ABLIM2: variants seen among roughly 807,000 people sequenced by gnomAD.
The protein encoded by ABLIM2 is actin binding LIM protein family member 2.
Under a neutral mutation model 97.7 loss-of-function variants are expected in ABLIM2, and 53 were observed. The observed-to-expected ratio is 0.54, with a 90% CI of 0.44 to 0.68. The LOEUF (loss-of-function observed/expected upper bound fraction) is 0.68, where lower values mean the gene tolerates loss of function less well. Ranked by LOEUF, ABLIM2 falls within the 30% of genes least tolerant of loss-of-function variation. The pLI is 0.00. For missense variants in ABLIM2, 835 were observed against 867.2 expected (o/e 0.96, Z 0.47); for synonymous variants, 361 against 345.8 (o/e 1.04, Z -0.49).
intron 6 of ABLIM2, among the ~76,000 whole-genome samples, chr4:8,077,294 T>C (rs575412690): frequency 6.6e-6 from 1 of 152,318 alleles, no homozygotes; most frequent in Admixed American, 6.5e-5. Context: ...GACGAGGTCC[T>C]GGTGTGGGCT....
intron 9 of ABLIM2, among the ~76,000 whole-genome samples, chr4:8,042,615 G>A (rs1789442617): frequency 6.6e-6 from 1 of 152,172 alleles, no homozygotes; most frequent in African/African-American, 2.4e-5. Context: ...CCAGGCGAGT[G>A]GATCACCTGA....
At chr4:8,037,704 CA>C (rs1284757337) in intron 9 of ABLIM2, among the ~76,000 whole-genome samples, 1 of 152,264 alleles carries the variant, frequency 6.6e-6, no homozygotes, top group East Asian at 1.9e-4. Flanking sequence ...CGCACTCACA[CA>C]CATTCACATG....
chr4:8,050,187 C>T lies in ABLIM2; in HGVS notation c.822+4001G>A, dbSNP rs1427580265. On this transcript the variant is annotated intron_variant, in intron 8 of 20. Transcript: ENST00000447017. ...AAGCTGCACCCCAACACCTTGGGCG[C>T]CTGTTCTCAGGGTCACATGAGGGCT... 3.9e-5 allele frequency among the ~76,000 whole-genome samples: 6 copies of T among 152,208 alleles called. No homozygotes were observed. The South Asian group carries it at 1.2e-3, about 32-fold the overall frequency.
intron 20 of ABLIM2, among the ~76,000 whole-genome samples, chr4:7,982,851 C>T (rs1739877095): frequency 6.6e-6 from 1 of 152,106 alleles, no homozygotes; most frequent in African/African-American, 2.4e-5. Context: ...TTACAGGCAC[C>T]TGCCACCACG....
chr4:8,095,466 T>G lies in ABLIM2; in HGVS notation c.338+1633A>C, dbSNP rs1340736906. Among the ~76,000 whole-genome samples, 1 of 152,214 alleles carries G rather than the reference T, an allele frequency of 6.6e-6. No individual in the cohort carries two copies. Among genetic ancestry groups the G allele is most frequent in the Non-Finnish European group, 1.5e-5 (1 of 68,042 alleles). On this transcript the variant is annotated intron_variant, in intron 3 of 20. Transcript: ENST00000447017. The surrounding 1 kb of genome is among the most constrained non-coding windows in gnomAD (Gnocchi z 4.7). Reference sequence around the variant, plus strand: ...AAATTTTACGTTGTTGAATGCTGGATTTTTAAAAATCTTCTTGTGAAAAGT... The same window carrying G: ...AAATTTTACGTTGTTGAATGCTGGAGTTTTAAAAATCTTCTTGTGAAAAGT...
intron 9 of ABLIM2, among the ~76,000 whole-genome samples, chr4:8,039,874 G>GTTTTTTTTTT (rs397947626): frequency 6.4e-5 from 7 of 108,622 alleles, no homozygotes; most frequent in Admixed American, 1.0e-4. Context: ...GCTGATTACT[G>GTTTTTTTTTT]TTTTTTTTTT....
In ABLIM2 at chr4:8,054,952, A is replaced by G. The variant is rs1798130640; in HGVS notation, c.764-706T>C. Among the ~76,000 whole-genome samples the G allele has an allele frequency of 6.6e-6, 1 of 151,958 alleles. No homozygotes were observed. On this transcript the variant is annotated intron_variant, in intron 7 of 20. Transcript: ENST00000447017. The surrounding 1 kb of genome is among the most constrained non-coding windows in gnomAD (Gnocchi z 4.9). The stretch of plus-strand genomic sequence containing the variant: ...ACCCATGTCAACAGCCACTACCATC[A>G]ACATAACAAGGCCACCCGGCACCAA...
At position 8,029,331 on chromosome 4, in the gene ABLIM2, G is replaced by A. The variant is rs376759904; in HGVS notation, c.1168+325C>T. 9.9e-5 allele frequency among the ~76,000 whole-genome samples: 15 copies of A among 152,216 alleles called. No homozygotes were observed. In the East Asian group the frequency reaches 1.2e-3, roughly 12 times the overall value. On this transcript the variant is annotated intron_variant, in intron 11 of 20. Coordinates refer to ENST00000447017, the MANE Select transcript of ABLIM2 (RefSeq NM_001130083.2). ...ACATATGCTGTCTTATCTTCCTGAC[G>A]TCTCTTGCCACCCAATCATTAGCTG...
At position 7,984,853 on chromosome 4, in the gene ABLIM2, C is replaced by A; in HGVS notation, c.1721G>T (p.Ser574Ile). Residue 574 changes from serine to isoleucine, a missense_variant, in exon 18 of 21, where the codon AGC (serine) becomes ATC (isoleucine). By Grantham distance (142) the Ser-to-Ile change is moderately radical (BLOSUM62 -2). Transcript: ENST00000447017. ...LAPCGADPDASWGMREYKIYP... is the reference protein window; with the variant it reads ...LAPCGADPDAIWGMREYKIYP... ...GCTCTGTGTACCTCGCATGCCCCAG[C>A]TGGCATCCGGGTCTGCTCCACAGGG... 6.2e-7 allele frequency: 1 copy of A among 1,606,002 alleles called. No individual in the cohort carries two copies. The highest frequency in any genetic ancestry group is 1.3e-5 in the African/African-American group (1 of 74,944).
chr4:7,996,339 C>A lies in ABLIM2; in HGVS notation c.1619-3412G>T, dbSNP rs1753270923. ...GAACACCCTTGGTGGTGTCCTGCAC[C>A]CCTCTTAAGCCCGAAGGCCTCTACC... is the stretch of plus-strand genomic sequence containing the variant. On this transcript the variant is annotated intron_variant, in intron 16 of 20. Coordinates refer to ENST00000447017, the MANE Select transcript of ABLIM2 (RefSeq NM_001130083.2). This position sits in a 1 kb window ranked among gnomAD's most constrained non-coding sequence, Gnocchi z 4.5. 6.6e-6 allele frequency among the ~76,000 whole-genome samples: 1 copy of A among 152,162 alleles called. No individual in the cohort carries two copies. Among genetic ancestry groups the A allele is most frequent in the South Asian group, 2.1e-4 (1 of 4,826 alleles).
intron 9 of ABLIM2, among the ~76,000 whole-genome samples, chr4:8,039,820 C>T (rs1786972670): frequency 6.6e-6 from 1 of 150,778 alleles, no homozygotes; most frequent in South Asian, 2.1e-4. Flanking sequence ...TCGGCAGGGC[C>T]ACTGTGGCTG....
chr4:7,988,228 G>A (rs554790675), intron 17 of ABLIM2, among the ~76,000 whole-genome samples: 2 of 152,262 alleles, frequency 1.3e-5, no homozygotes, highest in East Asian at 3.9e-4. Flanking sequence ...TCACCACGTT[G>A]GCCAGGCTGG....
chr4:8,044,611 A>C lies in ABLIM2; in HGVS notation c.900+553T>G, dbSNP rs1790934590. Among the ~76,000 whole-genome samples the C allele has an allele frequency of 6.6e-6, 1 of 151,458 alleles. No individual in the cohort carries two copies. Among genetic ancestry groups the C allele is most frequent in the South Asian group, 2.1e-4 (1 of 4,776 alleles). ...TGTTTTCAATCATTTTTATATTTGT[A>C]TGTGATTATGGAAGCGTGTGAGGCG... On this transcript the variant is annotated intron_variant, in intron 9 of 20. Coordinates refer to ENST00000447017, the MANE Select transcript of ABLIM2 (RefSeq NM_001130083.2). The surrounding 1 kb of genome is among the most constrained non-coding windows in gnomAD (Gnocchi z 4.4).
chr4:7,983,699 T>C, intron 18 of ABLIM2, 145 bp from the exon 19 acceptor site: 1 of 1,024,096 alleles, frequency 9.8e-7, no homozygotes. Flanking sequence ...CAGCCTGCAC[T>C]GAGGCCCTAA....
rs796383684 is a variant in ABLIM2 at position 8,153,704 on chromosome 4, C to T, written c.10+4976G>A. Among the ~76,000 whole-genome samples the T allele has an allele frequency of 8.2e-5, 12 of 145,834 alleles. No individual in the cohort carries two copies. In the East Asian group the frequency reaches 1.9e-3, roughly 23 times the overall value. On this transcript the variant is annotated intron_variant, in intron 1 of 20. Coordinates refer to ENST00000447017, the MANE Select transcript of ABLIM2 (RefSeq NM_001130083.2). ...TCCCGGAGTGATGGGTTTCTACCAGCGCTGGAGGCAGAGTGTGCTCTCTTC... is the reference window on the plus strand; with the variant it reads ...TCCCGGAGTGATGGGTTTCTACCAGTGCTGGAGGCAGAGTGTGCTCTCTTC...
At chr4:8,065,653 G>T (rs1806614485) in intron 6 of ABLIM2, among the ~76,000 whole-genome samples, 1 of 152,212 alleles carries the variant, frequency 6.6e-6, no homozygotes, top group African/African-American at 2.4e-5. Context: ...GCTGGGCACA[G>T]TGGCTCAAGC....
rs189795152 is a variant in ABLIM2, at chr4:8,003,050, G to A, written c.1618+5009C>T. On this transcript the variant is annotated intron_variant, in intron 16 of 20. Transcript: ENST00000447017. This position sits in a 1 kb window ranked among gnomAD's most constrained non-coding sequence, Gnocchi z 4.2. ...GTCGGCTCCCCAGACAGGGAACTTT[G>A]TCTGTTTTGGCCTCTGCTCTGTCCC... Among the ~76,000 whole-genome samples, 2 of 152,284 alleles carry A rather than the reference G, an allele frequency of 1.3e-5. No individual in the cohort carries two copies. Among genetic ancestry groups the A allele is most frequent in the African/African-American group, 2.4e-5 (1 of 41,562 alleles).
At position 8,097,160 on chromosome 4, in the gene ABLIM2, C is replaced by T; in HGVS notation, c.277G>A (p.Glu93Lys). 6.2e-7 allele frequency: 1 copy of T among 1,610,640 alleles called. No individual in the cohort carries two copies. Among genetic ancestry groups the T allele is most frequent in the Non-Finnish European group, 8.5e-7 (1 of 1,178,690 alleles). ...GTCTTGCCCAGCGCCGACACCACCT[C>T]ACCCTCAATGAACTGGTCGCAGCTG... ...CFSCDQFIEG[E>K]VVSALGKTYH... The change falls in exon 3 of 21, where the codon GAG becomes AAG. Residue 93 changes from glutamate to lysine, a missense_variant. Coordinates refer to ENST00000447017, the MANE Select transcript of ABLIM2 (RefSeq NM_001130083.2).
At chr4:8,143,762 C>A (rs1197001242) in intron 1 of ABLIM2, among the ~76,000 whole-genome samples, 1 of 152,180 alleles carries the variant, frequency 6.6e-6, no homozygotes, top group African/African-American at 2.4e-5. Context: ...GCAAGAGGAT[C>A]GACATGCTCC....
Sources: gnomAD v4.1 joint callset for allele counts (sites outside exome capture counted in the v4.1 genomes callset) on GRCh38, gnomAD v4.1.1 for gene constraint, Gnocchi (gnomAD v3.1) non-coding constraint, MANE v1.5 for transcripts, NCBI Gene and HGNC (gene_info 2026-07-23, HGNC 2026-07-21) for gene names.